ITGA9: variants seen among roughly 807,000 people sequenced by gnomAD.
ITGA9 encodes the protein integrin alpha-9.
Under a neutral mutation model 127.8 loss-of-function variants are expected in ITGA9, and 56 were observed. The ratio of observed to expected loss-of-function variants is 0.44; its 90% confidence interval spans 0.35 to 0.55. The LOEUF is 0.55. ITGA9 is among the 20% of genes least tolerant of loss of function. The probability of loss-of-function intolerance (pLI) is 0.00; values close to 1 mark genes in which losing one functional copy is unlikely to be tolerated. For synonymous variants in ITGA9, 508 were observed against 514.5 expected, an observed-to-expected ratio of 0.99 and a Z score of 0.17; for missense variants, 1,196 against 1,347.1, an observed-to-expected ratio of 0.89 and a Z score of 1.76.
intron 7 of ITGA9, among the ~76,000 whole-genome samples, chr3:37,507,298 T>G (rs576494295): frequency 6.6e-6 from 1 of 152,276 alleles, no homozygotes; most frequent in Non-Finnish European, 1.5e-5. Context: ...GTTGTCTTCT[T>G]GGGGAGGGGC....
chr3:37,671,646 A>G (rs17036771), intron 17 of ITGA9, among the ~76,000 whole-genome samples: 1,523 of 152,196 alleles, frequency 0.01, 31 homozygotes, highest in African/African-American at 0.035. Flanking sequence ...CTGGCTTCCT[A>G]TAAGTGAGTT....
At chr3:37,780,603 A>G (rs1467402108) in intron 25 of ITGA9, among the ~76,000 whole-genome samples, 1 of 152,010 alleles carries the variant, frequency 6.6e-6, no homozygotes, top group East Asian at 1.9e-4. Context: ...TTGATTCCCT[A>G]TCTTTGCTGT....
chr3:37,662,143 T>C (rs1380525819), intron 17 of ITGA9, among the ~76,000 whole-genome samples: 3 of 152,164 alleles, frequency 2.0e-5, no homozygotes, highest in African/African-American at 7.2e-5. Context: ...TGGCTGTGCC[T>C]GTAATCCCAG....
intron 6 of ITGA9, among the ~76,000 whole-genome samples, chr3:37,505,618 C>G (rs1322961494): frequency 6.6e-6 from 1 of 152,142 alleles, no homozygotes; most frequent in Non-Finnish European, 1.5e-5. Flanking sequence ...TGGTTATAGT[C>G]ACTTCCTTGA....
chr3:37,543,943 G>A (rs552277547), intron 15 of ITGA9, among the ~76,000 whole-genome samples: 28 of 152,330 alleles, frequency 1.8e-4, no homozygotes, highest in South Asian at 8.3e-4. Context: ...ATACAGCCCC[G>A]CCCCGTCAGT....
intron 15 of ITGA9, among the ~76,000 whole-genome samples, chr3:37,603,206 A>G (rs1264404177): frequency 6.6e-6 from 1 of 152,198 alleles, no homozygotes; most frequent in Non-Finnish European, 1.5e-5. Context: ...TCATGAGTTC[A>G]GCATTCATGG....
At chr3:37,695,961 A>G (rs1169175880) in intron 18 of ITGA9, among the ~76,000 whole-genome samples, 1 of 152,160 alleles carries the variant, frequency 6.6e-6, no homozygotes, top group East Asian at 1.9e-4. Context: ...TCCATACTCC[A>G]AGGCTGGGCT....
At position 37,484,183 on chromosome 3, in the gene ITGA9, A is replaced by C. The variant is rs575707417; in HGVS notation, c.544+2576A>C. Among the ~76,000 whole-genome samples the C allele has an allele frequency of 1.7e-3, 255 of 152,254 alleles. 3 individuals carry two copies. Among genetic ancestry groups the C allele is most frequent in the Non-Finnish European group, 7.2e-4 (49 of 68,004 alleles). ...AACCCATTCATTGGCCCAGGGTGGG[A>C]AATAAGGGATGGATGGGGCTGGCAT... On this transcript the variant is annotated intron_variant, in intron 4 of 27. Coordinates refer to ENST00000264741, the MANE Select transcript of ITGA9 (RefSeq NM_002207.3).
chr3:37,564,197 T>C lies in ITGA9; in HGVS notation c.1689+21612T>C, dbSNP rs573806364. Among the ~76,000 whole-genome samples, 32 of 152,360 alleles carry C rather than the reference T, an allele frequency of 2.1e-4. No homozygotes were observed. In the South Asian group the frequency reaches 6.2e-3, roughly 30 times the overall value. ...TTAGGAAATGGTGCTATGATATAGA[T>C]TAGTTTTCTATGAATAACTTGGCTT... On this transcript the variant is annotated intron_variant, in intron 15 of 27. Coordinates refer to ENST00000264741, the MANE Select transcript of ITGA9 (RefSeq NM_002207.3).
chr3:37,772,103 A>C (rs2685096), intron 23 of ITGA9, among the ~76,000 whole-genome samples: 47,515 of 151,896 alleles, frequency 0.31, 7,703 homozygotes, highest in Middle Eastern at 0.43. Context: ...GCTTGCCTCC[A>C]TCTGTAAAAT....
intron 15 of ITGA9, chr3:37,585,570 C>G (rs1699749788): frequency 1.6e-5 from 8 of 507,770 alleles, no homozygotes; most frequent in Admixed American, 7.8e-5. Flanking sequence ...AACATTTTCT[C>G]TAGCAATTAT....
At position 37,753,168 on chromosome 3, in the gene ITGA9, G is replaced by T. The variant is rs540986114; in HGVS notation, c.2541+2599G>T. On this transcript the variant is annotated intron_variant, in intron 23 of 27. Transcript: ENST00000264741. ...AAAATAATAGAGGGGAAGAATGACAGACCTTTCTAGTCTATCTGAAATAGC... is the reference window on the plus strand; with the variant it reads ...AAAATAATAGAGGGGAAGAATGACATACCTTTCTAGTCTATCTGAAATAGC... Among the ~76,000 whole-genome samples the T allele has an allele frequency of 6.7e-4, 102 of 152,314 alleles. 3 individuals are homozygous for T. The South Asian group carries it at 0.011, about 16-fold the overall frequency.
At chr3:37,574,206 A>G (rs1182604713) in intron 15 of ITGA9, among the ~76,000 whole-genome samples, 1 of 152,192 alleles carries the variant, frequency 6.6e-6, no homozygotes, top group Non-Finnish European at 1.5e-5. Flanking sequence ...TATTCTTCAT[A>G]GGGTAGATAT....
chr3:37,748,242 A>G, intron 22 of ITGA9: 1 of 486,634 alleles, frequency 2.1e-6, no homozygotes, highest in South Asian at 1.7e-5. Context: ...ACATCAAGGG[A>G]ATGGGTACTG....
At chr3:37,650,418 C>T (rs973731606) in intron 16 of ITGA9, among the ~76,000 whole-genome samples, 1 of 151,992 alleles carries the variant, frequency 6.6e-6, no homozygotes, top group African/African-American at 2.4e-5. Context: ...CTTATTTCAC[C>T]ATCCATTAAT....
intron 16 of ITGA9, among the ~76,000 whole-genome samples, chr3:37,637,116 G>C (rs1460841526): frequency 6.6e-6 from 1 of 152,118 alleles, no homozygotes; most frequent in South Asian, 2.1e-4. Flanking sequence ...GGCGATGCGG[G>C]CTCTTTTTTG....
rs201587083 is a variant in ITGA9, at chr3:37,481,534, A to G, written c.471A>G (p.Leu157=). ...KNIYYEADHI[L]PHGFCYIIPS... Reference sequence around the variant, plus strand: ...TCTACTATGAAGCCGACCACATCCTACCCCATGGCTTCTGCTACATCATCC... The same window carrying G: ...TCTACTATGAAGCCGACCACATCCTGCCCCATGGCTTCTGCTACATCATCC... Residue 157 remains leucine, a synonymous_variant, in exon 4 of 28, where the codon CTA becomes CTG. Transcript: ENST00000264741. The G allele has an allele frequency of 2.5e-6, 4 of 1,613,874 alleles. No individual in the cohort carries two copies. The highest frequency in any genetic ancestry group is 4.5e-5 in the East Asian group (2 of 44,860).
At chr3:37,784,405 T>C (rs1304286628) in intron 25 of ITGA9, among the ~76,000 whole-genome samples, 1 of 152,114 alleles carries the variant, frequency 6.6e-6, no homozygotes, top group Non-Finnish European at 1.5e-5. Flanking sequence ...CCTGCCCCTT[T>C]CTCCTTAATT....
intron 1 of ITGA9, among the ~76,000 whole-genome samples, chr3:37,468,491 C>T (rs964628951): frequency 6.6e-6 from 1 of 152,148 alleles, no homozygotes; most frequent in African/African-American, 2.4e-5. Context: ...TATCTGCCAG[C>T]CTTTGCTGGA....
Sources: allele counts gnomAD v4.1 joint callset (sites outside exome capture counted in the v4.1 genomes callset), GRCh38; gene constraint gnomAD v4.1.1; transcripts MANE v1.5; gene names NCBI Gene and HGNC (gene_info 2026-07-23, HGNC 2026-07-21).